The following IQCH variants were observed in gnomAD, a reference collection of about 807,000 sequenced individuals.
The protein encoded by IQCH is IQ motif containing H, also known as IQ domain-containing protein H.
Under a neutral mutation model 117.0 loss-of-function variants are expected in IQCH, and 98 were observed. The ratio of observed to expected loss-of-function variants is 0.84; its 90% CI spans 0.71 to 0.99. The LOEUF (loss-of-function observed/expected upper bound fraction) is 0.99. Ranked by LOEUF, IQCH falls within the 50% of genes least tolerant of loss-of-function variation. The probability of loss-of-function intolerance (pLI) is 0.00; values close to 1 mark genes in which losing one functional copy is unlikely to be tolerated. For missense variants in IQCH, 1,102 were observed against 1,243.8 expected (o/e 0.89, Z 1.72); for synonymous variants, 412 against 448.2 (o/e 0.92, Z 1.02).
At chr15:67,284,977 G>A (rs1966506510) in intron 4 of IQCH, among the ~76,000 whole-genome samples, 2 of 152,128 alleles carry the variant, frequency 1.3e-5, no homozygotes, top group Non-Finnish European at 2.9e-5. Flanking sequence ...ATACCCAGTA[G>A]TGGGATTGCT....
At chr15:67,266,452 C>A (rs952105838) in intron 3 of IQCH, among the ~76,000 whole-genome samples, 14 of 151,952 alleles carry the variant, frequency 9.2e-5, no homozygotes, top group African/African-American at 3.1e-4. Flanking sequence ...GTCAGGAGAT[C>A]AAGACCATCC....
At chr15:67,380,941 C>T (rs1004909534) in intron 10 of IQCH, among the ~76,000 whole-genome samples, 2 of 152,236 alleles carry the variant, frequency 1.3e-5, no homozygotes, top group African/African-American at 4.8e-5. Context: ...TTGTTAACCT[C>T]TTCTCTGCCT....
chr15:67,382,169 G>A (rs1353558170), intron 10 of IQCH, among the ~76,000 whole-genome samples: 4 of 152,024 alleles, frequency 2.6e-5, no homozygotes, highest in East Asian at 1.9e-4. Flanking sequence ...AATATGTAAC[G>A]ACAAAATGAG....
At chr15:67,455,756 T>C (rs2082644478) in intron 16 of IQCH, among the ~76,000 whole-genome samples, 1 of 152,230 alleles carries the variant, frequency 6.6e-6, no homozygotes, top group South Asian at 2.1e-4. Context: ...ACTTCTCAAC[T>C]AAGAGAATCC....
intron 4 of IQCH, among the ~76,000 whole-genome samples, chr15:67,326,795 C>T (rs1002881268): frequency 2.6e-5 from 4 of 152,092 alleles, no homozygotes; most frequent in African/African-American, 9.7e-5. Context: ...ATCAAATCAG[C>T]CTATTATTTT....
intron 16 of IQCH, among the ~76,000 whole-genome samples, chr15:67,442,188 G>A (rs2082285234): frequency 6.6e-6 from 1 of 151,696 alleles, no homozygotes; most frequent in African/African-American, 2.4e-5. Flanking sequence ...AGGTGGTCAG[G>A]TCACCTGAGG....
chr15:67,387,553 T>G lies in IQCH; in HGVS notation c.1457-1278T>G, dbSNP rs1971146699. ...GGATAGAACCACAGAGAACACTACT[T>G]CATGTTAAATCTTGCACTGATCAAA... On this transcript the variant is annotated intron_variant, in intron 11 of 20. Coordinates refer to ENST00000335894, the MANE Select transcript of IQCH (RefSeq NM_001031715.3). This position sits in a 1 kb window ranked among gnomAD's most constrained non-coding sequence, Gnocchi z 4.8. 6.6e-6 allele frequency among the ~76,000 whole-genome samples: 1 copy of G among 152,050 alleles called. No individual in the cohort carries two copies. Among genetic ancestry groups the G allele is most frequent in the Non-Finnish European group, 1.5e-5 (1 of 67,988 alleles).
chr15:67,362,287 T>C (rs936528884), intron 8 of IQCH, among the ~76,000 whole-genome samples: 4 of 151,404 alleles, frequency 2.6e-5, no homozygotes, highest in Non-Finnish European at 4.4e-5. Flanking sequence ...CCAAAACATC[T>C]CCAAATTTAA....
intron 10 of IQCH, among the ~76,000 whole-genome samples, chr15:67,382,264 T>C (rs1175173426): frequency 6.6e-6 from 1 of 152,160 alleles, no homozygotes; most frequent in Admixed American, 6.5e-5. Context: ...GCATACCCCA[T>C]GATGATGAGG....
At chr15:67,398,925 T>A (rs1971553389) in intron 13 of IQCH, among the ~76,000 whole-genome samples, 1 of 152,136 alleles carries the variant, frequency 6.6e-6, no homozygotes, top group African/African-American at 2.4e-5. Context: ...AGAAAAATCG[T>A]TTTGTGAGTT....
At chr15:67,300,690 T>G (rs1966982491) in intron 4 of IQCH, among the ~76,000 whole-genome samples, 2 of 152,174 alleles carry the variant, frequency 1.3e-5, no homozygotes, top group African/African-American at 2.4e-5. Context: ...CAATTTTGAT[T>G]ACTCTGTGTG....
intron 16 of IQCH, among the ~76,000 whole-genome samples, chr15:67,442,546 T>G (rs2082296268): frequency 6.6e-6 from 1 of 152,148 alleles, no homozygotes; most frequent in Admixed American, 6.6e-5. Context: ...TTGGCTTGGA[T>G]GCAGGTTACA....
At chr15:67,302,809 A>G (rs1967112156) in intron 4 of IQCH, among the ~76,000 whole-genome samples, 1 of 152,216 alleles carries the variant, frequency 6.6e-6, no homozygotes, top group Admixed American at 6.5e-5. Flanking sequence ...GTGAACCGAG[A>G]TTGTGTCACT....
chr15:67,279,319 C>A, intron 3 of IQCH, 76 bp from the exon 4 acceptor site: 2 of 719,462 alleles, frequency 2.8e-6, no homozygotes, highest in East Asian at 2.8e-5. Context: ...AATTAGGAAG[C>A]ATTGTTTTAA....
At chr15:67,477,453 G>T (rs2083234033) in intron 18 of IQCH, among the ~76,000 whole-genome samples, 1 of 152,200 alleles carries the variant, frequency 6.6e-6, no homozygotes, top group Non-Finnish European at 1.5e-5. Flanking sequence ...GCCAGGCACT[G>T]TCAGGGCACA....
At position 67,472,191 on chromosome 15, in the gene IQCH, C is replaced by T. The variant is rs912240361; in HGVS notation, c.2677-3505C>T. On this transcript the variant is annotated intron_variant, in intron 17 of 20. Transcript: ENST00000335894. The surrounding 1 kb of genome is among the most constrained non-coding windows in gnomAD (Gnocchi z 4.3). ...AAAGACTAGAACAGTCACTAACTGG[C>T]GAGGAGGGGAGGACGTCCCCTAGCA... Among the ~76,000 whole-genome samples the T allele has an allele frequency of 6.6e-6, 1 of 152,004 alleles. No individual in the cohort carries two copies. Among genetic ancestry groups the T allele is most frequent in the African/African-American group, 2.4e-5 (1 of 41,386 alleles).
intron 8 of IQCH, chr15:67,371,603 C>T: frequency 1.1e-6 from 1 of 888,008 alleles, no homozygotes; most frequent in Non-Finnish European, 1.8e-6. Context: ...GGCAGAAGAA[C>T]TATAAAATGC....
chr15:67,371,505 G>A lies in IQCH; in HGVS notation c.754-606G>A, dbSNP rs146824601. 988 of 1,592,842 alleles carry A rather than the reference G, an allele frequency of 6.2e-4. 15 individuals are homozygous for A. In the South Asian group the frequency reaches 9.2e-3, roughly 15 times the overall value. ...ACCAGACTTAAGAATAAAAGAACAC[G>A]TGTCAAGAGAAACCTAAGAATGACA... On this transcript the variant is annotated intron_variant, in intron 8 of 20. Coordinates refer to ENST00000335894, the MANE Select transcript of IQCH (RefSeq NM_001031715.3).
Position 67,476,350 on chromosome 15 carries a change from A to G in IQCH, c.2799+532A>G, listed in dbSNP as rs1190672177. The stretch of plus-strand genomic sequence containing the variant: ...ATGGCTGCCTCCTTGCGGTGTCCTC[A>G]CATATGGAAGGAGAGAGAGAGAGAT... On this transcript the variant is annotated intron_variant, in intron 18 of 20. Coordinates refer to ENST00000335894, the MANE Select transcript of IQCH (RefSeq NM_001031715.3). This position sits in a 1 kb window ranked among gnomAD's most constrained non-coding sequence, Gnocchi z 4.1. Among the ~76,000 whole-genome samples, 5 of 152,150 alleles carry G rather than the reference A, an allele frequency of 3.3e-5. No individual in the cohort carries two copies. The highest frequency in any genetic ancestry group is 7.4e-5 in the Non-Finnish European group (5 of 68,020).
Sources: gnomAD v4.1 joint callset for allele counts (sites outside exome capture counted in the v4.1 genomes callset) on GRCh38, gnomAD v4.1.1 for gene constraint, Gnocchi (gnomAD v3.1) non-coding constraint, MANE v1.5 for transcripts, NCBI Gene and HGNC (gene_info 2026-07-23, HGNC 2026-07-21) for gene names.